DACH2: variants seen among roughly 807,000 people sequenced by gnomAD.
DACH2 encodes the protein dachshund homolog 2.
A neutral mutation model predicts 35.8 loss-of-function variants in DACH2; 17 were observed. The ratio of observed to expected loss-of-function variants is 0.48; its 90% confidence interval spans 0.33 to 0.71. DACH2 has a LOEUF of 0.71. Ranked by LOEUF, DACH2 falls within the 30% of genes least tolerant of loss-of-function variation. The probability of loss-of-function intolerance (pLI) is 0.02; values close to 1 mark genes in which losing one functional copy is unlikely to be tolerated. For synonymous variants in DACH2, 195 were observed against 177.3 expected (o/e 1.10, Z -0.79); for missense variants, 469 against 472.7 (o/e 0.99, Z 0.07).
chrX:86,373,538 A>T (rs774767170), intron 1 of DACH2, among the ~76,000 whole-genome samples: 2 of 111,099 alleles, frequency 1.8e-5, no homozygotes, highest in East Asian at 5.8e-4. Context: ...AGCAGGATTA[A>T]AAATGTAGGG....
intron 11 of DACH2, among the ~76,000 whole-genome samples, chrX:86,820,502 G>C (rs111969716): frequency 8.5e-4 from 93 of 109,151 alleles, no homozygotes; most frequent in African/African-American, 3.0e-3. Context: ...AGAAAAAAGG[G>C]ATCTTATTAA....
intron 7 of DACH2, among the ~76,000 whole-genome samples, chrX:86,800,509 A>G (rs997969442): frequency 8.9e-6 from 1 of 111,914 alleles, no homozygotes; most frequent in Non-Finnish European, 1.9e-5. Context: ...AGTGTCCATA[A>G]GATGGTATGA....
intron 2 of DACH2, among the ~76,000 whole-genome samples, chrX:86,503,839 A>T (rs2148259713): frequency 8.9e-6 from 1 of 111,912 alleles, no homozygotes; most frequent in African/African-American, 3.2e-5. Flanking sequence ...ATAGGAAAAT[A>T]ATCTTTGTCA....
intron 2 of DACH2, among the ~76,000 whole-genome samples, chrX:86,452,590 A>G (rs1602535770): frequency 9.0e-6 from 1 of 111,282 alleles, no homozygotes; most frequent in Non-Finnish European, 1.9e-5. Flanking sequence ...CATTTCATCT[A>G]CATTTTCTAG....
intron 1 of DACH2, among the ~76,000 whole-genome samples, chrX:86,327,187 A>T (rs144198309): frequency 0.011 from 1,287 of 112,359 alleles, 15 homozygotes; most frequent in African/African-American, 0.04. Flanking sequence ...CTTCCTCTTC[A>T]TTCAGGAGAT....
At chrX:86,579,440 A>C (rs769528104) in intron 3 of DACH2, among the ~76,000 whole-genome samples, 5 of 109,935 alleles carry the variant, frequency 4.5e-5, no homozygotes, top group Non-Finnish European at 9.5e-5. Context: ...CTCTTTATAC[A>C]TTCTGTATAT....
chrX:86,264,187 G>C (rs1156331192), intron 1 of DACH2, among the ~76,000 whole-genome samples: 3 of 111,932 alleles, frequency 2.7e-5, no homozygotes, highest in African/African-American at 9.8e-5. Context: ...CATCTAGAGG[G>C]TTGAGCAAAA....
At chrX:86,465,392 A>G (rs2037648407) in intron 2 of DACH2, among the ~76,000 whole-genome samples, 1 of 112,123 alleles carries the variant, frequency 8.9e-6, no homozygotes, top group Non-Finnish European at 1.9e-5. Flanking sequence ...AGCCAAGACT[A>G]GAGCTTTGAA....
intron 3 of DACH2, among the ~76,000 whole-genome samples, chrX:86,599,955 G>C (rs992161206): frequency 1.8e-5 from 2 of 111,577 alleles, no homozygotes; most frequent in Non-Finnish European, 1.9e-5. Context: ...GAGTGAGTGA[G>C]CTCCAAAGCT....
At chrX:86,663,415 T>C (rs977748150) in intron 4 of DACH2, among the ~76,000 whole-genome samples, 1 of 112,131 alleles carries the variant, frequency 8.9e-6, no homozygotes, top group African/African-American at 3.2e-5. Flanking sequence ...ATGTGTTTAA[T>C]GCAAAGCATA....
chrX:86,168,441 G>A (rs1389229356), intron 1 of DACH2, among the ~76,000 whole-genome samples: 1 of 110,851 alleles, frequency 9.0e-6, no homozygotes, highest in East Asian at 2.8e-4. Context: ...TAGGTGAAGT[G>A]TGTTTCTTGT....
chrX:86,501,879 T>C (rs2148257440), intron 2 of DACH2, among the ~76,000 whole-genome samples: 1 of 111,385 alleles, frequency 9.0e-6, no homozygotes, highest in South Asian at 3.8e-4. Context: ...TAGAGCGGGG[T>C]TAATGAAAAA....
At chrX:86,729,010 G>T (rs1410042665) in intron 6 of DACH2, among the ~76,000 whole-genome samples, 1 of 111,977 alleles carries the variant, frequency 8.9e-6, no homozygotes, top group Non-Finnish European at 1.9e-5. Context: ...ATGAGAAAGG[G>T]GCTACGGGCT....
intron 3 of DACH2, among the ~76,000 whole-genome samples, chrX:86,626,619 G>A (rs990348460): frequency 3.5e-5 from 4 of 113,111 alleles, no homozygotes; most frequent in Non-Finnish European, 7.5e-5. Flanking sequence ...ACATCCAGGA[G>A]CTTCTGTACA....
chrX:86,716,249 TA>T (rs1403150453), intron 6 of DACH2, among the ~76,000 whole-genome samples: 4 of 112,119 alleles, frequency 3.6e-5, no homozygotes, highest in Non-Finnish European at 7.5e-5. Flanking sequence ...GCTCTGTTAT[TA>T]AAATATTTGA....
At chrX:86,712,577 G>C (rs1359421998) in intron 5 of DACH2, among the ~76,000 whole-genome samples, 1 of 110,483 alleles carries the variant, frequency 9.1e-6, no homozygotes, top group African/African-American at 3.3e-5. Flanking sequence ...GGATCATTTT[G>C]TATTCCATAA....
At chrX:86,285,072 C>A (rs1455399597) in intron 1 of DACH2, among the ~76,000 whole-genome samples, 1 of 111,261 alleles carries the variant, frequency 9.0e-6, no homozygotes, top group African/African-American at 3.3e-5. Flanking sequence ...AATCTTCTTT[C>A]TTCTTTGATC....
At chrX:86,608,848 G>C in intron 3 of DACH2, among the ~76,000 whole-genome samples, 1 of 111,869 alleles carries the variant, frequency 8.9e-6, no homozygotes, top group Non-Finnish European at 1.9e-5. Context: ...GCATATTGGA[G>C]CTCCATAGTA....
At chrX:86,174,950 C>T in intron 1 of DACH2, among the ~76,000 whole-genome samples, 1 of 112,153 alleles carries the variant, frequency 8.9e-6, no homozygotes, top group Admixed American at 9.5e-5. Flanking sequence ...TCCAAAAGCA[C>T]TGGGATTACA....
Sources: gnomAD v4.1 joint callset for allele counts (sites outside exome capture counted in the v4.1 genomes callset) on GRCh38, gnomAD v4.1.1 for gene constraint, MANE v1.5 for transcripts, NCBI Gene and HGNC (gene_info 2026-07-23, HGNC 2026-07-21) for gene names.